The following PPARGC1A variants were observed in gnomAD, a reference collection of about 807,000 sequenced individuals.
PPARGC1A encodes the protein PPARG coactivator 1 alpha, also known as peroxisome proliferator-activated receptor gamma coactivator 1-alpha.
In PPARGC1A, 25 loss-of-function variants were observed where a neutral mutation model predicts 88.7. The ratio of observed to expected loss-of-function variants is 0.28; its 90% CI spans 0.21 to 0.39. The LOEUF is 0.39. PPARGC1A is among the 10% of genes least tolerant of loss of function. The pLI is 1.00. For missense variants in PPARGC1A, 880 were observed against 968.7 expected (o/e 0.91, Z 1.22); for synonymous variants, 363 against 355.6 (o/e 1.02, Z -0.24).
chr4:23,901,579 T>TAAGACATCCA (rs1719392341), upstream of PPARGC1A, among the ~76,000 whole-genome samples: 7 of 148,302 alleles, frequency 4.7e-5, no homozygotes, highest in South Asian at 1.5e-3. Flanking sequence ...AGAAAAGAAA[T>TAAGACATCCA]AAGACATCCA....
chr4:24,285,415 G>A, the PPARGC1A span, among the ~76,000 whole-genome samples: 5 of 152,150 alleles, frequency 3.3e-5, no homozygotes, highest in African/African-American at 1.2e-4. Context: ...ATGAGAGGGT[G>A]AAAGGGGGCT....
the PPARGC1A span, among the ~76,000 whole-genome samples, chr4:24,159,718 CTCTG>C: frequency 6.6e-6 from 1 of 152,278 alleles, no homozygotes; most frequent in East Asian, 1.9e-4. Flanking sequence ...TTCCCTTCCT[CTCTG>C]TGAGTTTACA....
the PPARGC1A span, among the ~76,000 whole-genome samples, chr4:24,334,257 A>G: frequency 2.0e-5 from 3 of 152,148 alleles, no homozygotes; most frequent in Non-Finnish European, 2.9e-5. Flanking sequence ...AACTCCTTTG[A>G]TTCTCCCCAA....
rs1438574875 is a variant in PPARGC1A, at chr4:23,824,477, G to A, written c.789C>T (p.Thr263=). The A allele has an allele frequency of 1.2e-6, 2 of 1,609,898 alleles. No individual in the cohort carries two copies. The highest frequency in any genetic ancestry group is 1.7e-5 in the Admixed American group (1 of 59,928). ...TTAATACTTACTTTGGTGACTCTGGGGTCAGAGGAAGAGATAAAGTTGTTG... is the reference window on the plus strand; with the variant it reads ...TTAATACTTACTTTGGTGACTCTGGAGTCAGAGGAAGAGATAAAGTTGTTG... ...AKPTTLSLPL[T]PESPNDPKGS... is the part of the protein sequence containing the mutation. Residue 263 remains threonine, a synonymous_variant, in exon 6 of 13, where the codon ACC becomes ACT. Transcript: ENST00000264867.
At chr4:24,354,100 T>G in the PPARGC1A span, among the ~76,000 whole-genome samples, 2 of 152,074 alleles carry the variant, frequency 1.3e-5, no homozygotes, top group African/African-American at 4.8e-5. Context: ...TCACTCAAGT[T>G]GTTGGCAGAA....
At chr4:24,269,586 G>A in the PPARGC1A span, among the ~76,000 whole-genome samples, 2 of 152,046 alleles carry the variant, frequency 1.3e-5, no homozygotes, top group South Asian at 2.1e-4. Flanking sequence ...CATAGACTAC[G>A]CGAGTATAAT....
intron 1 of PPARGC1A, among the ~76,000 whole-genome samples, chr4:23,895,972 G>C (rs1237795010): frequency 3.7e-5 from 2 of 54,444 alleles, no homozygotes; most frequent in Non-Finnish European, 8.6e-5. Flanking sequence ...GTGTGTGTGT[G>C]TGTGTGTGTA....
chr4:24,083,391 G>A, the PPARGC1A span, among the ~76,000 whole-genome samples: 2 of 152,106 alleles, frequency 1.3e-5, no homozygotes, highest in Admixed American at 6.6e-5. Flanking sequence ...CAGATGGAAG[G>A]ACCTCTCCCC....
chr4:23,848,244 T>C (rs1371816861), intron 2 of PPARGC1A, among the ~76,000 whole-genome samples: 1 of 152,220 alleles, frequency 6.6e-6, no homozygotes, highest in Non-Finnish European at 1.5e-5. Flanking sequence ...CGTACCATGC[T>C]TATATAGTTA....
chr4:23,802,227 T>A lies in PPARGC1A; in HGVS notation c.2138A>T (p.Asp713Val), dbSNP rs773552199. Residue 713 changes from aspartate to valine, a missense_variant, in exon 11 of 13, where the codon GAT becomes GTT. By Grantham distance (152) the Asp-to-Val change is radical. Transcript: ENST00000264867. ...IEECTVNLRD[D>V]GDSYGFITYR... ...AAATAATCTTGAAGATTCTCACCCA[T>A]CATCCCGCAGATTTACTGTGCACTC... 1 of 1,614,042 alleles carries A rather than the reference T, an allele frequency of 6.2e-7. No individual in the cohort carries two copies. Among genetic ancestry groups the A allele is most frequent in the Non-Finnish European group, 8.5e-7 (1 of 1,179,966 alleles).
At chr4:24,440,577 G>A in the PPARGC1A span, among the ~76,000 whole-genome samples, 24 of 152,246 alleles carry the variant, frequency 1.6e-4, no homozygotes, top group African/African-American at 2.9e-4. Flanking sequence ...CGGGATGGGC[G>A]GATCACTTGA....
the PPARGC1A span, among the ~76,000 whole-genome samples, chr4:24,001,012 T>TA: frequency 6.6e-6 from 1 of 152,198 alleles, no homozygotes; most frequent in Non-Finnish European, 1.5e-5. Context: ...ACTTTTGACA[T>TA]AAAAATATAC....
chr4:24,274,386 T>C, the PPARGC1A span, among the ~76,000 whole-genome samples: 2 of 152,058 alleles, frequency 1.3e-5, no homozygotes, highest in Non-Finnish European at 2.9e-5. Context: ...CCAGCAAACA[T>C]TTTCTGTAAA....
the PPARGC1A span, among the ~76,000 whole-genome samples, chr4:24,208,444 G>A: frequency 6.6e-6 from 1 of 152,090 alleles, no homozygotes; most frequent in Admixed American, 6.5e-5. Flanking sequence ...AACTTCTAGG[G>A]GCATTACCTA....
chr4:23,944,231 A>G, the PPARGC1A span, among the ~76,000 whole-genome samples: 1 of 152,248 alleles, frequency 6.6e-6, no homozygotes, highest in Non-Finnish European at 1.5e-5. Flanking sequence ...CAACTTTTCC[A>G]TAAATCTAAA....
chr4:23,945,732 T>G, the PPARGC1A span, among the ~76,000 whole-genome samples: 1 of 152,206 alleles, frequency 6.6e-6, no homozygotes, highest in African/African-American at 2.4e-5. Context: ...TCCATCAACC[T>G]GGGTCTTTTC....
At chr4:24,044,750 G>T in the PPARGC1A span, among the ~76,000 whole-genome samples, 1 of 152,120 alleles carries the variant, frequency 6.6e-6, no homozygotes, top group Non-Finnish European at 1.5e-5. Flanking sequence ...CAGTTAATTG[G>T]CAAGGCTGGT....
the PPARGC1A span, among the ~76,000 whole-genome samples, chr4:24,064,295 G>A: frequency 6.6e-6 from 1 of 152,190 alleles, no homozygotes; most frequent in Admixed American, 6.5e-5. Context: ...TATAGCAAGT[G>A]GGTGCCTGTA....
At chr4:24,242,544 T>C in the PPARGC1A span, among the ~76,000 whole-genome samples, 1 of 152,232 alleles carries the variant, frequency 6.6e-6, no homozygotes, top group African/African-American at 2.4e-5. Context: ...GCGGCAGAGT[T>C]TGTGGCTCTA....
Sources: allele counts gnomAD v4.1 joint callset (sites outside exome capture counted in the v4.1 genomes callset), GRCh38; gene constraint gnomAD v4.1.1; transcripts MANE v1.5; gene names NCBI Gene and HGNC (gene_info 2026-07-23, HGNC 2026-07-21).